PTPRD: variants seen among roughly 807,000 people sequenced by gnomAD.
PTPRD encodes the protein protein tyrosine phosphatase receptor type D.
A neutral mutation model predicts 214.5 loss-of-function variants in PTPRD; 34 were observed. That is an observed-to-expected ratio of 0.16 (90% CI 0.12 to 0.21). PTPRD has a LOEUF of 0.21. Among genes scored for constraint, PTPRD ranks in the 10% least tolerant of loss-of-function variants. The pLI is 1.00. For synonymous variants in PTPRD, 1,128 were observed against 845.7 expected (o/e 1.33, Z -5.79); for missense variants, 2,545 against 2,398.7 (o/e 1.06, Z -1.27).
chr9:9,238,286 T>C (rs1395144147), intron 9 of PTPRD, among the ~76,000 whole-genome samples: 1 of 152,040 alleles, frequency 6.6e-6, no homozygotes, highest in Non-Finnish European at 1.5e-5. Flanking sequence ...AAGGGTTAGT[T>C]ACTGCAGTGT....
At chr9:8,651,254 G>A (rs920232885) in intron 12 of PTPRD, among the ~76,000 whole-genome samples, 6 of 152,032 alleles carry the variant, frequency 3.9e-5, no homozygotes, top group East Asian at 1.9e-4. Context: ...CAGTGGCCCC[G>A]CCCATTCACA....
At chr9:9,687,636 GAA>G (rs1031599252) in intron 7 of PTPRD, among the ~76,000 whole-genome samples, 3 of 146,154 alleles carry the variant, frequency 2.1e-5, no homozygotes, top group Non-Finnish European at 4.5e-5. Flanking sequence ...AATAAAAAAA[GAA>G]AAAAAAAAGA....
At position 10,338,364 on chromosome 9, in the gene PTPRD, C is replaced by A. The variant is rs868032557; in HGVS notation, c.-545+2599G>T. 3.3e-5 allele frequency among the ~76,000 whole-genome samples: 5 copies of A among 151,720 alleles called. No individual in the cohort carries two copies. The South Asian group carries it at 6.2e-4, about 19-fold the overall frequency. On this transcript the variant is annotated intron_variant, in intron 3 of 45. Transcript: ENST00000381196. ...TTTAATGCTCGATTTCTATCCATAC[C>A]AATATAACTTTCAACTGATAGTCCT... is the stretch of plus-strand genomic sequence containing the variant.
chr9:8,555,775 T>A (rs1309875891), intron 14 of PTPRD, among the ~76,000 whole-genome samples: 1 of 152,008 alleles, frequency 6.6e-6, no homozygotes, highest in African/African-American at 2.4e-5. Flanking sequence ...AGAAAGAGAG[T>A]CTACACGTGT....
intron 5 of PTPRD, among the ~76,000 whole-genome samples, chr9:9,936,049 C>A (rs1434210311): frequency 2.0e-5 from 3 of 148,856 alleles, no homozygotes; most frequent in Non-Finnish European, 4.4e-5. Flanking sequence ...AACTGGATCC[C>A]TTCCTTACAC....
chr9:10,423,196 A>G (rs1056352241), intron 2 of PTPRD, among the ~76,000 whole-genome samples: 1 of 151,488 alleles, frequency 6.6e-6, no homozygotes, highest in Non-Finnish European at 1.5e-5. Flanking sequence ...TGAGTAAACT[A>G]TCACAAGGAC....
At chr9:10,407,838 T>TG (rs1460377277) in intron 2 of PTPRD, among the ~76,000 whole-genome samples, 1 of 151,630 alleles carries the variant, frequency 6.6e-6, no homozygotes, top group Admixed American at 6.6e-5. Flanking sequence ...TGCTACATAC[T>TG]GCAAATGTTT....
intron 39 of PTPRD, among the ~76,000 whole-genome samples, chr9:8,358,087 C>T (rs897015309): frequency 2.0e-5 from 3 of 152,132 alleles, no homozygotes; most frequent in Admixed American, 2.0e-4. Context: ...TGTGACACTT[C>T]TACTCTAATG....
intron 3 of PTPRD, among the ~76,000 whole-genome samples, chr9:10,242,673 C>T (rs1249605143): frequency 1.2e-5 from 1 of 80,998 alleles, no homozygotes; most frequent in African/African-American, 4.8e-5. Context: ...AATCAATCAG[C>T]TTAAGGGCTT....
At chr9:8,507,808 A>G (rs894651583) in intron 21 of PTPRD, among the ~76,000 whole-genome samples, 4 of 152,224 alleles carry the variant, frequency 2.6e-5, no homozygotes, top group Non-Finnish European at 4.4e-5. Flanking sequence ...CAAAATACCT[A>G]AAAGTATTGT....
At chr9:10,169,809 C>T (rs371302859) in intron 3 of PTPRD, among the ~76,000 whole-genome samples, 1 of 151,974 alleles carries the variant, frequency 6.6e-6, no homozygotes, top group South Asian at 2.1e-4. Context: ...AGTTTTCAAC[C>T]AAAAATTAGT....
intron 10 of PTPRD, among the ~76,000 whole-genome samples, chr9:9,087,874 A>G: frequency 7.6e-6 from 1 of 132,110 alleles, no homozygotes; most frequent in Non-Finnish European, 1.6e-5. Context: ...CAGAGCCCTA[A>G]ACTCTTTTTT....
chr9:9,382,070 G>A (rs1417420671), intron 9 of PTPRD, among the ~76,000 whole-genome samples: 1 of 151,986 alleles, frequency 6.6e-6, no homozygotes, highest in African/African-American at 2.4e-5. Flanking sequence ...ATGCTCTGTA[G>A]TTTTCAGTAT....
intron 33 of PTPRD, among the ~76,000 whole-genome samples, chr9:8,458,471 G>A (rs375246569): frequency 4.6e-5 from 7 of 152,142 alleles, no homozygotes; most frequent in African/African-American, 1.7e-4. Flanking sequence ...ATGTCATATG[G>A]TCTAGAAATA....
At chr9:9,674,207 G>C (rs577123474) in intron 7 of PTPRD, among the ~76,000 whole-genome samples, 1 of 151,728 alleles carries the variant, frequency 6.6e-6, no homozygotes, top group Admixed American at 6.6e-5. Flanking sequence ...AATGGTAATG[G>C]AGCTGATAGG....
intron 5 of PTPRD, among the ~76,000 whole-genome samples, chr9:9,869,838 C>G (rs2064975766): frequency 6.6e-6 from 1 of 151,542 alleles, no homozygotes; most frequent in African/African-American, 2.4e-5. Context: ...TGTTTGGAGA[C>G]TATGTGAACA....
intron 8 of PTPRD, among the ~76,000 whole-genome samples, chr9:9,413,020 G>A (rs1030402356): frequency 2.0e-5 from 3 of 150,040 alleles, no homozygotes; most frequent in African/African-American, 4.9e-5. Flanking sequence ...CCATCTTGAT[G>A]TAGGGTTGTT....
rs150601740 is a variant in PTPRD, at chr9:9,442,645, T to C, written c.-236-45163A>G. On this transcript the variant is annotated intron_variant, in intron 8 of 45. Coordinates refer to ENST00000381196, the MANE Select transcript of PTPRD (RefSeq NM_002839.4). ...TTGTTATTTATCTGTGCATGTGAGT[T>C]TGGGGGATTTAATTAAAGATGTTCT... is the stretch of plus-strand genomic sequence containing the variant. 4.5e-3 allele frequency among the ~76,000 whole-genome samples: 687 copies of C among 152,246 alleles called. 1 individual carries two copies. Among genetic ancestry groups the C allele is most frequent in the African/African-American group, 0.015 (617 of 41,544 alleles).
At chr9:8,373,863 T>C (rs1388147291) in intron 39 of PTPRD, among the ~76,000 whole-genome samples, 1 of 78,122 alleles carries the variant, frequency 1.3e-5, no homozygotes, top group Non-Finnish European at 2.5e-5. Context: ...TGTGTCTGTC[T>C]GTCTATCTAT....
Sources: allele counts gnomAD v4.1 joint callset (sites outside exome capture counted in the v4.1 genomes callset), GRCh38; gene constraint gnomAD v4.1.1; transcripts MANE v1.5; gene names NCBI Gene and HGNC (gene_info 2026-07-23, HGNC 2026-07-21).